Variants in GRIK4 observed in about 807,000 individuals in gnomAD.
The protein encoded by GRIK4 is glutamate receptor ionotropic, kainate 4.
In GRIK4, 40 loss-of-function variants were observed where a neutral mutation model predicts 104.9. The ratio of observed to expected loss-of-function variants is 0.38; its 90% confidence interval spans 0.30 to 0.50. The LOEUF (loss-of-function observed/expected upper bound fraction) is 0.50. Ranked by LOEUF, GRIK4 falls within the 20% of genes least tolerant of loss-of-function variation. The pLI is 0.93. For missense variants in GRIK4, 1,047 were observed against 1,308.1 expected (o/e 0.80, Z 3.08); for synonymous variants, 485 against 524.9 (o/e 0.92, Z 1.04).
chr11:120,616,678 C>A (rs554664807), intron 1 of GRIK4, among the ~76,000 whole-genome samples: 1 of 152,162 alleles, frequency 6.6e-6, no homozygotes, highest in Non-Finnish European at 1.5e-5. Flanking sequence ...CCAAAGGTGT[C>A]GGAAAACCAA....
intron 4 of GRIK4, among the ~76,000 whole-genome samples, chr11:120,809,441 T>G (rs1401373062): frequency 3.3e-5 from 5 of 152,274 alleles, no homozygotes; most frequent in African/African-American, 9.6e-5. Flanking sequence ...TTATAAATGA[T>G]TTCCATCTCT....
intron 1 of GRIK4, among the ~76,000 whole-genome samples, chr11:120,588,959 C>G (rs1213395591): frequency 6.6e-6 from 1 of 152,134 alleles, no homozygotes; most frequent in Non-Finnish European, 1.5e-5. Context: ...CCTTGGCTTT[C>G]AGGTCAAGAA....
rs1464578871 is a variant in GRIK4, at chr11:120,549,855, A to G, written c.-159+37968A>G. On this transcript the variant is annotated intron_variant, in intron 1 of 20. Transcript: ENST00000527524. This position sits in a 1 kb window ranked among gnomAD's most constrained non-coding sequence, Gnocchi z 4.7. Reference sequence around the variant, plus strand: ...TATGCAGCCCCTTTGTGGCCCTTAGAAAAAGGCTATGCTGGATGTTGAGAT... The same window carrying G: ...TATGCAGCCCCTTTGTGGCCCTTAGGAAAAGGCTATGCTGGATGTTGAGAT... Among the ~76,000 whole-genome samples, 2 of 152,196 alleles carry G rather than the reference A, an allele frequency of 1.3e-5. No homozygotes were observed. The highest frequency in any genetic ancestry group is 1.3e-4 in the Admixed American group (2 of 15,280).
chr11:120,848,071 G>C (rs144080494), intron 8 of GRIK4, among the ~76,000 whole-genome samples: 1 of 152,196 alleles, frequency 6.6e-6, no homozygotes, highest in South Asian at 2.1e-4. Flanking sequence ...GTGCATCCCT[G>C]TTCCTGACCC....
intron 19 of GRIK4, among the ~76,000 whole-genome samples, chr11:120,970,177 C>G (rs1344790112): frequency 2.0e-5 from 3 of 152,166 alleles, no homozygotes; most frequent in Non-Finnish European, 1.5e-5. Context: ...GAGTTATTTC[C>G]CAAATAGCCT....
intron 1 of GRIK4, among the ~76,000 whole-genome samples, chr11:120,644,917 A>T (rs1366261352): frequency 6.6e-6 from 1 of 152,188 alleles, no homozygotes; most frequent in Non-Finnish European, 1.5e-5. Flanking sequence ...GAGGACAAAA[A>T]AGAAAAAAAA....
intron 14 of GRIK4, among the ~76,000 whole-genome samples, chr11:120,943,843 C>T (rs563412564): frequency 6.6e-6 from 1 of 152,196 alleles, no homozygotes; most frequent in East Asian, 1.9e-4. Context: ...GCTAAAGCCT[C>T]CAAAATAATA....
In GRIK4 at chr11:120,802,792, A is replaced by G; in HGVS notation, c.182A>G (p.Lys61Arg). ...RINRAPERLG[K>R]AKVEVDIFEL... Reference sequence around the variant, plus strand: ...AACCGCGCTCCTGAGAGGCTGGGCAAGGCCAAGGTCGAAGTGGACATCTTT... The same window carrying G: ...AACCGCGCTCCTGAGAGGCTGGGCAGGGCCAAGGTCGAAGTGGACATCTTT... Residue 61 changes from lysine (K) to arginine (R), a missense_variant, in exon 4 of 21, where the codon AAG becomes AGG. By Grantham distance (26) the Lys-to-Arg change is conservative. Transcript: ENST00000527524. The G allele has an allele frequency of 1.9e-6, 3 of 1,614,204 alleles. No homozygotes were observed. Among genetic ancestry groups the G allele is most frequent in the Non-Finnish European group, 2.5e-6 (3 of 1,180,024 alleles).
chr11:120,826,015 G>A (rs147837421), intron 6 of GRIK4, among the ~76,000 whole-genome samples: 3 of 152,240 alleles, frequency 2.0e-5, no homozygotes, highest in African/African-American at 7.2e-5. Flanking sequence ...GCAGCTCTGT[G>A]CTGATACCAG....
intron 14 of GRIK4, among the ~76,000 whole-genome samples, chr11:120,944,350 G>C (rs2134659642): frequency 6.6e-6 from 1 of 152,090 alleles, no homozygotes; most frequent in Non-Finnish European, 1.5e-5. Flanking sequence ...CTGCTCCCCT[G>C]AGTTCCAGTA....
intron 3 of GRIK4, among the ~76,000 whole-genome samples, chr11:120,761,829 C>T (rs1951754435): frequency 6.6e-6 from 1 of 152,150 alleles, no homozygotes; most frequent in Admixed American, 6.5e-5. Context: ...AGTACCAGTA[C>T]CATGCTATTT....
At position 120,926,134 on chromosome 11, in the gene GRIK4, GAGGAAGTGAAACTT is replaced by G. The variant is rs1281472000; in HGVS notation, c.1477-14209_1477-14196del. Reference sequence around the variant, plus strand: ...GTGATGGTGGTGGTAGTAGTGATGTGAGGAAGTGAAACTTAGGCCTCTCTGGGCTTTGCCACATA... The same window carrying G: ...GTGATGGTGGTGGTAGTAGTGATGTGAGGCCTCTCTGGGCTTTGCCACATA... On this transcript the variant is annotated intron_variant, in intron 13 of 20. Transcript: ENST00000527524. Among the ~76,000 whole-genome samples the G allele has an allele frequency of 2.0e-5, 3 of 152,290 alleles. No homozygotes were observed. In the East Asian group the frequency reaches 5.8e-4, roughly 29 times the overall value.
At chr11:120,723,334 T>C (rs998688236) in intron 3 of GRIK4, among the ~76,000 whole-genome samples, 6 of 152,188 alleles carry the variant, frequency 3.9e-5, no homozygotes, top group Non-Finnish European at 7.3e-5. Context: ...TGCTTTGCAT[T>C]GACCCCTCCC....
intron 2 of GRIK4, among the ~76,000 whole-genome samples, chr11:120,657,649 T>A (rs1949733997): frequency 6.6e-6 from 1 of 152,230 alleles, no homozygotes; most frequent in African/African-American, 2.4e-5. Context: ...CTCAGAGCCA[T>A]GCCTGGGTGC....
rs942648154 is a variant in GRIK4, at chr11:120,640,359, T to C, written c.-158-13326T>C. Among the ~76,000 whole-genome samples, 6 of 152,208 alleles carry C rather than the reference T, an allele frequency of 3.9e-5. No individual in the cohort carries two copies. The South Asian group carries it at 6.2e-4, about 16-fold the overall frequency. The stretch of plus-strand genomic sequence containing the variant: ...GACAGAAAATTCTACCTGTGCCACA[T>C]AGAAGTTTGGAATGTACTTAATAGC... On this transcript the variant is annotated intron_variant, in intron 1 of 20. Coordinates refer to ENST00000527524, the MANE Select transcript of GRIK4 (RefSeq NM_014619.5).
intron 9 of GRIK4, among the ~76,000 whole-genome samples, chr11:120,863,724 C>CTA (rs1954320437): frequency 2.0e-5 from 3 of 152,338 alleles, no homozygotes; most frequent in Admixed American, 6.5e-5. Context: ...ATCTAGACAT[C>CTA]TATACACTTG....
intron 1 of GRIK4, among the ~76,000 whole-genome samples, chr11:120,615,555 C>G (rs942711226): frequency 6.6e-6 from 1 of 152,166 alleles, no homozygotes; most frequent in African/African-American, 2.4e-5. Context: ...GGCTCTGGCT[C>G]TCTTCTCTAT....
intron 3 of GRIK4, among the ~76,000 whole-genome samples, chr11:120,754,195 T>A (rs1371908608): frequency 6.6e-6 from 1 of 152,120 alleles, no homozygotes. Flanking sequence ...CGTGCCAAGC[T>A]AATTTTTGTA....
At chr11:120,801,351 G>A (rs886162398) in intron 3 of GRIK4, among the ~76,000 whole-genome samples, 2 of 152,042 alleles carry the variant, frequency 1.3e-5, no homozygotes, top group East Asian at 3.9e-4. Flanking sequence ...TCAGCCTCCC[G>A]AGTAGCTGGG....
Sources: allele counts gnomAD v4.1 joint callset (sites outside exome capture counted in the v4.1 genomes callset), GRCh38; gene constraint gnomAD v4.1.1; non-coding constraint Gnocchi (gnomAD v3.1); transcripts MANE v1.5; gene names NCBI Gene and HGNC (gene_info 2026-07-23, HGNC 2026-07-21).